Variants in TSKS observed in about 807,000 individuals in gnomAD.
The protein encoded by TSKS is testis specific serine kinase substrate.
A neutral mutation model predicts 68.0 loss-of-function variants in TSKS; 27 were observed. That is an observed-to-expected ratio of 0.40 (90% confidence interval 0.29 to 0.55). TSKS has a LOEUF of 0.55. Ranked by LOEUF, TSKS falls within the 20% of genes least tolerant of loss-of-function variation. The pLI is 0.53. For missense variants in TSKS, 806 were observed against 776.0 expected (o/e 1.04, Z -0.46); for synonymous variants, 331 against 340.4 (o/e 0.97, Z 0.30).
Position 49,739,804 on chromosome 19 carries a change from T to G in TSKS, c.1751A>C (p.Lys584Thr). The change falls in exon 11 of 11, where the codon AAA becomes ACA. Residue 584 changes from lysine to threonine, a missense_variant. Coordinates refer to ENST00000246801, the MANE Select transcript of TSKS (RefSeq NM_021733.2). ...GGGSSAGTPP[K>T]QGGSAPEQ ...TTGTTCAGGGGCTGAGCCCCCCTGTTTTGGGGGGGTTCCTGCACTGCTGCC... is the reference window on the plus strand; with the variant it reads ...TTGTTCAGGGGCTGAGCCCCCCTGTGTTGGGGGGGTTCCTGCACTGCTGCC... 1.3e-6 allele frequency: 2 copies of G among 1,550,962 alleles called. No individual in the cohort carries two copies. The highest frequency in any genetic ancestry group is 1.8e-6 in the Non-Finnish European group (2 of 1,124,062).
rs766812398 is a variant in TSKS, at chr19:49,741,950, C to A, written c.1432G>T (p.Glu478Ter). ...GGAGTCAGGCCCCTCTGCTTCACCT[C>A]GTCCACTAGTGAGGTCAGTGCTCGG... is the stretch of plus-strand genomic sequence containing the variant. The part of the protein sequence containing the change: ...LDRALTSLVD[E>*]VKQRGLTPAC... Residue 478 changes from glutamate (E) to a stop codon, truncating the protein, a stop_gained, in exon 9 of 11, where the codon GAG becomes TAG. Transcript: ENST00000246801. LOFTEE classifies it high-confidence loss of function. 6.2e-7 allele frequency: 1 copy of A among 1,614,172 alleles called. No individual in the cohort carries two copies. The highest frequency in any genetic ancestry group is 8.5e-7 in the Non-Finnish European group (1 of 1,180,022).
rs759580278 is a variant in TSKS, at chr19:49,746,647, C to G, written c.815G>C (p.Ser272Thr). The change falls in exon 6 of 11, where the codon AGC becomes ACC. Residue 272 changes from serine to threonine, a missense_variant. Transcript: ENST00000246801. ...QKPEAGLSWN[S>T]LGPAATSQGC... is the part of the protein sequence containing the mutation. Reference sequence around the variant, plus strand: ...CTGGGACGTGGCGGCGGGGCCCAGGCTGTTCCAGGAGAGGCCAGCCTCCGG... The same window carrying G: ...CTGGGACGTGGCGGCGGGGCCCAGGGTGTTCCAGGAGAGGCCAGCCTCCGG... 2.5e-6 allele frequency: 4 copies of G among 1,608,310 alleles called. No homozygotes were observed. Among genetic ancestry groups the G allele is most frequent in the South Asian group, 2.2e-5 (2 of 91,024 alleles).
At position 49,739,827 on chromosome 19, in the gene TSKS, G is replaced by GC; in HGVS notation, c.1727dup (p.Ser577GlnfsTer15). Reference sequence around the variant, plus strand: ...GTTTTGGGGGGGTTCCTGCACTGCTGCCTCCCCCCATTGTTCCCGTGGACC... The same window carrying GC: ...GTTTTGGGGGGGTTCCTGCACTGCTGCCCTCCCCCCATTGTTCCCGTGGACC... On this transcript the variant is annotated frameshift_variant, in exon 11 of 11. Coordinates refer to ENST00000246801, the MANE Select transcript of TSKS (RefSeq NM_021733.2). LOFTEE classifies it high-confidence loss of function. 1.2e-6 allele frequency: 2 copies of GC among 1,610,706 alleles called. No individual in the cohort carries two copies. The highest frequency in any genetic ancestry group is 1.7e-6 in the Non-Finnish European group (2 of 1,176,944).
intron 7 of TSKS, 46 bp from the exon 8 acceptor site, chr19:49,744,450 A>G: frequency 5.1e-6 from 8 of 1,581,772 alleles, no homozygotes; most frequent in Non-Finnish European, 6.9e-6. Flanking sequence ...CTTCAGCGGT[A>G]TAACCCTGGC....
intron 2 of TSKS, 50 bp downstream of exon 2, chr19:49,761,954 C>G: frequency 6.7e-7 from 1 of 1,500,842 alleles, no homozygotes; most frequent in Non-Finnish European, 9.2e-7. Flanking sequence ...TTGCTACCAC[C>G]TTGTGGAGGA....
chr19:49,742,290 C>T (rs572447581), intron 8 of TSKS, among the ~76,000 whole-genome samples: 30 of 145,722 alleles, frequency 2.1e-4, no homozygotes, highest in Middle Eastern at 3.8e-3. Flanking sequence ...CTTCACCTAC[C>T]GGGTTCAAAC....
chr19:49,746,270 C>T (rs980040114), intron 6 of TSKS, among the ~76,000 whole-genome samples, 200 bp downstream of exon 6: 1 of 151,050 alleles, frequency 6.6e-6, no homozygotes, highest in African/African-American at 2.4e-5. Flanking sequence ...CCTCCCGTGT[C>T]TCTACCCACC....
Position 49,740,885 on chromosome 19 carries a change from C to CA in TSKS, c.1498-703dup, listed in dbSNP as rs534874558. On this transcript the variant is annotated intron_variant, in intron 9 of 10. Coordinates refer to ENST00000246801, the MANE Select transcript of TSKS (RefSeq NM_021733.2). ...GAGCAACAGAGCGAGACTCTGTCTCCAAAAAAAAAAAGGCCGGGCGCAGTG... is the reference window on the plus strand; with the variant it reads ...GAGCAACAGAGCGAGACTCTGTCTCCAAAAAAAAAAAAGGCCGGGCGCAGTG... 3.7e-3 allele frequency among the ~76,000 whole-genome samples: 455 copies of CA among 123,902 alleles called. 4 individuals carry two copies. Among genetic ancestry groups the CA allele is most frequent in the East Asian group, 0.033 (139 of 4,250 alleles). 81.3% of individuals were successfully genotyped at this position (123,902 alleles called of 152,430 possible). A position where few individuals can be genotyped will look rare whatever the true frequency, so the allele number is the denominator to read the frequency against.
At chr19:49,761,103 T>C (rs1191086811) in intron 2 of TSKS, among the ~76,000 whole-genome samples, 3 of 151,790 alleles carry the variant, frequency 2.0e-5, no homozygotes, top group Non-Finnish European at 4.4e-5. Flanking sequence ...AATAAATAAA[T>C]AAATAAATAA....
rs537733738 is a variant in TSKS, at chr19:49,744,226, G to A, written c.1361+5C>T. The stretch of plus-strand genomic sequence containing the variant: ...GGCTCCCAGAGGCAAGCCCAGCCCC[G>A]TTACCTGGCACAGCGGGCACAGTTG... On this transcript the variant is annotated splice_donor_5th_base_variant and intron_variant, in intron 8 of 10. Transcript: ENST00000246801. 9.3e-6 allele frequency: 15 copies of A among 1,608,520 alleles called. No individual in the cohort carries two copies. In the East Asian group the frequency reaches 2.5e-4, roughly 26 times the overall value.
chr19:49,744,254 T>G lies in TSKS; in HGVS notation c.1338A>C (p.Gln446His), dbSNP rs750265451. 9 of 1,613,592 alleles carry G rather than the reference T, an allele frequency of 5.6e-6. No individual in the cohort carries two copies. In the Admixed American group the frequency reaches 1.5e-4, roughly 27 times the overall value. The change falls in exon 8 of 11, where the codon CAA becomes CAC. Residue 446 changes from glutamine to histidine, a missense_variant. Transcript: ENST00000246801. ...ACCTGGCACAGCGGGCACAGTTGCC[T>G]TGGTGGGACCGATCCAGGTTCATGG... Reference protein sequence around the residue: ...DLSMNLDRSHQGNCARCASQG... With the variant: ...DLSMNLDRSHHGNCARCASQG...
chr19:49,742,359 G>A (rs1324799307), intron 8 of TSKS, among the ~76,000 whole-genome samples: 2 of 152,044 alleles, frequency 1.3e-5, no homozygotes, highest in Admixed American at 6.6e-5. Flanking sequence ...CGCCACATCC[G>A]GCTAATTTTT....
intron 8 of TSKS, among the ~76,000 whole-genome samples, chr19:49,743,376 C>G (rs889987776): frequency 2.0e-5 from 3 of 151,760 alleles, no homozygotes; most frequent in Non-Finnish European, 4.4e-5. Context: ...CTGCGTCCAC[C>G]CTTTTTATTT....
chr19:49,745,072 C>T (rs565649793), intron 7 of TSKS, 130 bp downstream of exon 7: 4 of 896,586 alleles, frequency 4.5e-6, no homozygotes, highest in African/African-American at 3.4e-5. Context: ...TGGTGTTTCC[C>T]GATGTCGGTA....
chr19:49,756,705 C>T (rs2084395237), intron 2 of TSKS, among the ~76,000 whole-genome samples: 1 of 152,106 alleles, frequency 6.6e-6, no homozygotes, highest in Non-Finnish European at 1.5e-5. Context: ...TCCTTTAAAA[C>T]GTGGAGCCTT....
intron 1 of TSKS, among the ~76,000 whole-genome samples, chr19:49,762,592 C>T (rs1472920066): frequency 6.6e-6 from 1 of 152,076 alleles, no homozygotes; most frequent in Non-Finnish European, 1.5e-5. Context: ...TCACGCCCAG[C>T]TAATTTTAGT....
chr19:49,762,381 TCTC>T, intron 1 of TSKS, 149 bp from the exon 2 acceptor site: 1 of 602,070 alleles, frequency 1.7e-6, no homozygotes, highest in Non-Finnish European at 2.9e-6. Context: ...CCTACTTTAT[TCTC>T]CTTCCCTGTG....
rs961750926 is a variant in TSKS, at chr19:49,753,450, T to C, written c.400-4981A>G. ...GGTGGCGGGCGCCTGTAGTCCCAGC[T>C]ACTCGGGAAGCTGAGGCAGGAGAAT... On this transcript the variant is annotated intron_variant, in intron 2 of 10. Transcript: ENST00000246801. Among the ~76,000 whole-genome samples the C allele has an allele frequency of 2.6e-5, 4 of 151,886 alleles. No homozygotes were observed. The South Asian group carries it at 8.3e-4, about 32-fold the overall frequency.
At chr19:49,762,590 A>C (rs1389384718) in intron 1 of TSKS, among the ~76,000 whole-genome samples, 1 of 151,802 alleles carries the variant, frequency 6.6e-6, no homozygotes, top group African/African-American at 2.4e-5. Flanking sequence ...CATCACGCCC[A>C]GCTAATTTTA....
Sources: gnomAD v4.1 joint callset for allele counts (sites outside exome capture counted in the v4.1 genomes callset) on GRCh38, gnomAD v4.1.1 for gene constraint, MANE v1.5 for transcripts, NCBI Gene and HGNC (gene_info 2026-07-23, HGNC 2026-07-21) for gene names.